Variants in SWI5 observed in about 807,000 individuals in gnomAD.
The protein encoded by SWI5 is DNA repair protein SWI5 homolog.
A neutral mutation model predicts 17.0 loss-of-function variants in SWI5; 12 were observed. The ratio of observed to expected loss-of-function variants is 0.71; its 90% CI spans 0.45 to 1.14. SWI5 has a LOEUF of 1.14. Ranked by LOEUF, SWI5 falls within the 50% of genes most tolerant of loss-of-function variation. The pLI is 0.00. For synonymous variants in SWI5, 61 were observed against 64.0 expected (o/e 0.95, Z 0.22); for missense variants, 158 against 162.2 (o/e 0.97, Z 0.14).
upstream of SWI5, chr9:128,276,070 C>T: frequency 6.3e-7 from 1 of 1,576,306 alleles, no homozygotes; most frequent in Middle Eastern, 1.8e-4. Context: ...GATACTGGAG[C>T]GCAGAATGGG....
At chr9:128,282,633 C>T (rs1391126112) in intron 2 of SWI5, among the ~76,000 whole-genome samples, 1 of 152,156 alleles carries the variant, frequency 6.6e-6, no homozygotes, top group Non-Finnish European at 1.5e-5. Flanking sequence ...TTCATTGCTG[C>T]GCTCCTGGAC....
Position 128,288,748 on chromosome 9 carries a change from AG to A in SWI5, c.*35del, listed in dbSNP as rs750139651. 2.5e-6 allele frequency: 4 copies of A among 1,610,308 alleles called. 1 individual carries two copies. The South Asian group carries it at 4.4e-5, about 18-fold the overall frequency. On this transcript the variant is annotated 3_prime_UTR_variant, in exon 5 of 5. Transcript: ENST00000418976. ...TCATCGCCCCTTGTCCACAGCTCCC[AG>A]GGACAGAAGGGTGTGGACATGATAA...
intron 1 of SWI5, 108 bp from the exon 2 acceptor site, chr9:128,276,599 C>T (rs1831389027): frequency 1.2e-6 from 2 of 1,608,694 alleles, no homozygotes; most frequent in Non-Finnish European, 1.7e-6. Flanking sequence ...GGATCCAGTC[C>T]CTGGCGCTCC....
At chr9:128,276,055 A>T (rs1196025999), upstream of SWI5, 1 of 1,586,416 alleles carries the variant, frequency 6.3e-7, no homozygotes, top group Non-Finnish European at 8.6e-7. Context: ...AGGCGTAACC[A>T]GGGCGATACT....
intron 1 of SWI5, 44 bp downstream of exon 1, chr9:128,276,446 C>A: frequency 6.2e-7 from 1 of 1,601,334 alleles, no homozygotes; most frequent in Non-Finnish European, 8.5e-7. Flanking sequence ...TGACTCCTCA[C>A]AGCCCTGCCC....
At chr9:128,282,751 CAT>C (rs112078532) in intron 2 of SWI5, among the ~76,000 whole-genome samples, 45 of 152,364 alleles carry the variant, frequency 3.0e-4, no homozygotes, top group African/African-American at 1.0e-3. Flanking sequence ...CTTCTTGTAT[CAT>C]GTGTAGACAG....
chr9:128,279,310 TAAA>T (rs1831494859), intron 2 of SWI5, among the ~76,000 whole-genome samples: 1 of 152,000 alleles, frequency 6.6e-6, no homozygotes, highest in Non-Finnish European at 1.5e-5. Context: ...GACAAAGAGA[TAAA>T]GAGAAAACCG....
At position 128,277,710 on chromosome 9, in the gene SWI5, G is replaced by A. The variant is rs147670191; in HGVS notation, c.111+955G>A. Among the ~76,000 whole-genome samples the A allele has an allele frequency of 1.0e-3, 159 of 152,342 alleles. 1 individual carries two copies. The highest frequency in any genetic ancestry group is 3.6e-3 in the African/African-American group (149 of 41,570). ...AAGTATGCACATGGTTCTGAGATGG[G>A]GAGCCCAGGCTTGGGCTTGCAAAGA... is the stretch of plus-strand genomic sequence containing the variant. On this transcript the variant is annotated intron_variant, in intron 2 of 4. Transcript: ENST00000418976.
At chr9:128,281,621 T>TTGAG (rs576968387) in intron 2 of SWI5, among the ~76,000 whole-genome samples, 27 of 152,236 alleles carry the variant, frequency 1.8e-4, no homozygotes, top group Non-Finnish European at 3.5e-4. Flanking sequence ...AATATTAATA[T>TTGAG]TGAGTGTCTA....
intron 2 of SWI5, among the ~76,000 whole-genome samples, chr9:128,281,806 G>C (rs577833322): frequency 3.3e-5 from 5 of 152,356 alleles, no homozygotes; most frequent in African/African-American, 9.6e-5. Context: ...CAGGTGCGGT[G>C]GCTCATGTTT....
chr9:128,279,522 G>A (rs898836541), intron 2 of SWI5, among the ~76,000 whole-genome samples: 26 of 152,214 alleles, frequency 1.7e-4, no homozygotes, highest in African/African-American at 6.0e-4. Flanking sequence ...AAAGCAGAGA[G>A]GGAAGGCAGC....
In SWI5 at chr9:128,285,888, C is replaced by T; in HGVS notation, c.234-51C>T. On this transcript the variant is annotated intron_variant, in intron 3 of 4. Coordinates refer to ENST00000418976, the Ensembl canonical transcript of SWI5. This position sits in a 1 kb window ranked among gnomAD's most constrained non-coding sequence, Gnocchi z 4.8. ...TACTATCTGAGCCTGGGGCCATCAT[C>T]TGCTTTCTTAACTGGGCTGTCTTTC... is the stretch of plus-strand genomic sequence containing the variant. 7.6e-7 allele frequency: 1 copy of T among 1,312,296 alleles called. No individual in the cohort carries two copies. Among genetic ancestry groups the T allele is most frequent in the Non-Finnish European group, 1.1e-6 (1 of 906,954 alleles). 81.3% of individuals were successfully genotyped at this position (1,312,296 alleles called of 1,614,324 possible). A position where few individuals can be genotyped will look rare whatever the true frequency, so the allele number is the denominator to read the frequency against.
chr9:128,287,444 C>T (rs1327044604), intron 4 of SWI5, among the ~76,000 whole-genome samples: 1 of 148,244 alleles, frequency 6.7e-6, no homozygotes, highest in Non-Finnish European at 1.5e-5. Flanking sequence ...CAGAGCCAGA[C>T]TCCATCTCAA....
rs35520517 is a variant in SWI5 at position 128,287,141 on chromosome 9, CAAAAAAAAAAAA to C, written c.328+1118_328+1129del. 6.0e-5 allele frequency among the ~76,000 whole-genome samples: 3 copies of C among 50,354 alleles called. 1 individual carries two copies. In the South Asian group the frequency reaches 2.1e-3, roughly 35 times the overall value. 33.0% of individuals were successfully genotyped at this position (50,354 alleles called of 152,430 possible). On this transcript the variant is annotated intron_variant, in intron 4 of 4. Transcript: ENST00000418976. ...GGGCAACAGGAGCGAAACTCCATCT[CAAAAAAAAAAAA>C]AAAAAAAAAGGCCGGGCTCGCTGGC...
chr9:128,281,451 C>G (rs1255899682), intron 2 of SWI5, among the ~76,000 whole-genome samples: 2 of 152,122 alleles, frequency 1.3e-5, no homozygotes, highest in Non-Finnish European at 2.9e-5. Flanking sequence ...CAAGCTAAAG[C>G]CTGCTCATCC....
upstream of SWI5, chr9:128,276,153 G>T (rs775709384): frequency 6.4e-7 from 1 of 1,568,496 alleles, no homozygotes; most frequent in South Asian, 1.2e-5. Flanking sequence ...GCTATGCAGC[G>T]GCGTGGCCAG....
intron 1 of SWI5, 79 bp from the exon 2 acceptor site, chr9:128,276,628 C>T: frequency 6.2e-7 from 1 of 1,613,030 alleles, no homozygotes; most frequent in Non-Finnish European, 8.5e-7. Context: ...AACTGCTCCT[C>T]CTCCCGCATC....
At chr9:128,276,378 G>A in exon 1 of SWI5, 9 of 1,613,142 alleles carry the variant, frequency 5.6e-6, no homozygotes, top group Non-Finnish European at 7.6e-6. Context: ...CTGATCCGGG[G>A]GCCTCGGACC....
Position 128,279,402 on chromosome 9 carries a change from G to A in SWI5, c.111+2647G>A, listed in dbSNP as rs1271592396. Among the ~76,000 whole-genome samples, 3 of 152,122 alleles carry A rather than the reference G, an allele frequency of 2.0e-5. No individual in the cohort carries two copies. The East Asian group carries it at 5.8e-4, about 29-fold the overall frequency. Reference sequence around the variant, plus strand: ...ATGGCTGGGCACGCTGATATTTACTGCATACAAAACAAGGGGGGCAGGGTA... The same window carrying A: ...ATGGCTGGGCACGCTGATATTTACTACATACAAAACAAGGGGGGCAGGGTA... On this transcript the variant is annotated intron_variant, in intron 2 of 4. Coordinates refer to ENST00000418976, the Ensembl canonical transcript of SWI5.
Sources: gnomAD v4.1 joint callset for allele counts (sites outside exome capture counted in the v4.1 genomes callset) on GRCh38, gnomAD v4.1.1 for gene constraint, Gnocchi (gnomAD v3.1) non-coding constraint, MANE v1.5 for transcripts, NCBI Gene and HGNC (gene_info 2026-07-23, HGNC 2026-07-21) for gene names.